Variants in HHLA2 observed in about 807,000 individuals in gnomAD.
HHLA2 encodes HHLA2 member of B7 family.
A neutral mutation model predicts 45.9 loss-of-function variants in HHLA2; 48 were observed. That is an observed-to-expected ratio of 1.05 (90% CI 0.83 to 1.33). The LOEUF is 1.33. HHLA2 is among the 40% of genes most tolerant of loss of function. The pLI is 0.00. For missense variants in HHLA2, 462 were observed against 494.3 expected (o/e 0.93, Z 0.62); for synonymous variants, 161 against 173.9 (o/e 0.93, Z 0.59).
intron 2 of HHLA2, among the ~76,000 whole-genome samples, chr3:108,319,023 G>A (rs2081152025): frequency 1.3e-5 from 2 of 152,064 alleles, no homozygotes; most frequent in African/African-American, 4.8e-5. Context: ...TTTGGCCACT[G>A]ACTACCTTGT....
At chr3:108,332,593 C>T (rs2081405329) in intron 3 of HHLA2, among the ~76,000 whole-genome samples, 1 of 152,080 alleles carries the variant, frequency 6.6e-6, no homozygotes. Context: ...GAGTGTGTGC[C>T]CAACTCATGC....
At chr3:108,365,637 G>A (rs1405835268) in intron 8 of HHLA2, among the ~76,000 whole-genome samples, 3 of 152,060 alleles carry the variant, frequency 2.0e-5, no homozygotes, top group East Asian at 3.9e-4. Flanking sequence ...TTTCCATTTG[G>A]TTGTGTCCTC....
At chr3:108,330,339 A>G (rs1331047335) in intron 3 of HHLA2, among the ~76,000 whole-genome samples, 2 of 152,130 alleles carry the variant, frequency 1.3e-5, no homozygotes, top group African/African-American at 4.8e-5. Context: ...GTGGCCCCCA[A>G]GATTCTTGCC....
chr3:108,353,640 C>T (rs887108990), exon 5 of HHLA2: 1 of 1,613,730 alleles, frequency 6.2e-7, no homozygotes, highest in African/African-American at 1.3e-5. Flanking sequence ...AACAGGACAT[C>T]CCTTTTCTAT....
intron 8 of HHLA2, among the ~76,000 whole-genome samples, chr3:108,370,050 G>A (rs1576182303): frequency 6.6e-6 from 1 of 152,338 alleles, no homozygotes; most frequent in South Asian, 2.1e-4. Flanking sequence ...GGCCTAACTG[G>A]GGGGAACCCC....
At chr3:108,349,763 G>A (rs2081743653) in intron 3 of HHLA2, among the ~76,000 whole-genome samples, 5 of 152,198 alleles carry the variant, frequency 3.3e-5, no homozygotes, top group African/African-American at 4.8e-5. Context: ...TGGGTTGGTT[G>A]AGTCAGTGAT....
chr3:108,338,994 T>C (rs2081520801), intron 3 of HHLA2, among the ~76,000 whole-genome samples: 1 of 152,318 alleles, frequency 6.6e-6, no homozygotes, highest in African/African-American at 2.4e-5. Flanking sequence ...TCATATAATT[T>C]ATCATTCAAA....
chr3:108,336,286 C>T (rs1420487884), intron 3 of HHLA2, among the ~76,000 whole-genome samples: 1 of 152,108 alleles, frequency 6.6e-6, no homozygotes, highest in Non-Finnish European at 1.5e-5. Flanking sequence ...GATGTAGCTA[C>T]TTTGTAGACC....
chr3:108,368,803 G>A (rs2082113849), intron 8 of HHLA2, among the ~76,000 whole-genome samples: 1 of 151,998 alleles, frequency 6.6e-6, no homozygotes, highest in Non-Finnish European at 1.5e-5. Flanking sequence ...ACACCCCACT[G>A]TCAATATTAG....
rs539513753 is a variant in HHLA2, at chr3:108,348,004, G to A, written c.-26-3784G>A. On this transcript the variant is annotated intron_variant, in intron 3 of 10. Coordinates refer to ENST00000619531, the Ensembl canonical transcript of HHLA2. ...TGGAAATGGCTCATGTTAACTTAGG[G>A]AATCTAAATGAACAGTTCAGAAGAA... Among the ~76,000 whole-genome samples, 5 of 152,154 alleles carry A rather than the reference G, an allele frequency of 3.3e-5. No individual in the cohort carries two copies. The East Asian group carries it at 9.6e-4, about 29-fold the overall frequency.
At chr3:108,318,376 CA>C (rs1367491691) in intron 2 of HHLA2, among the ~76,000 whole-genome samples, 1 of 152,134 alleles carries the variant, frequency 6.6e-6, no homozygotes, top group Non-Finnish European at 1.5e-5. Flanking sequence ...TCCACTTTGA[CA>C]AACATGGTCT....
chr3:108,335,758 A>C (rs563657121), intron 3 of HHLA2, among the ~76,000 whole-genome samples: 32 of 152,102 alleles, frequency 2.1e-4, no homozygotes, highest in Non-Finnish European at 4.0e-4. Context: ...GCTGCTTCGG[A>C]CTTTCTGATG....
At chr3:108,347,086 G>C (rs2081674474) in intron 3 of HHLA2, among the ~76,000 whole-genome samples, 1 of 152,126 alleles carries the variant, frequency 6.6e-6, no homozygotes, top group African/African-American at 2.4e-5. Flanking sequence ...TGCAACTTGG[G>C]CAACTTCAGT....
chr3:108,347,277 CA>C lies in HHLA2; in HGVS notation c.-26-4510del, dbSNP rs369574734. 2.8e-3 allele frequency among the ~76,000 whole-genome samples: 423 copies of C among 151,824 alleles called. 4 individuals carry two copies. Among genetic ancestry groups the C allele is most frequent in the African/African-American group, 9.7e-3 (403 of 41,388 alleles). Reference sequence around the variant, plus strand: ...AGAAGAGGTTGGGCATTTTTTTATTCATAATACTTTATCTTAGATGATAAAT... The same window carrying C: ...AGAAGAGGTTGGGCATTTTTTTATTCTAATACTTTATCTTAGATGATAAAT... On this transcript the variant is annotated intron_variant, in intron 3 of 10. Coordinates refer to ENST00000619531, the Ensembl canonical transcript of HHLA2.
In HHLA2 at chr3:108,377,251, C is replaced by G. The variant is rs1463426; in HGVS notation, c.1225-7C>G. 1,347,625 of 1,534,276 alleles carry G rather than the reference C, an allele frequency of 0.88. 606,456 individuals carry two copies. Among genetic ancestry groups the G allele is most frequent in the Non-Finnish European group, 0.93 (1,030,756 of 1,112,018 alleles). On this transcript the variant is annotated splice_region_variant and splice_polypyrimidine_tract_variant and intron_variant, in intron 10 of 10. Coordinates refer to ENST00000619531, the Ensembl canonical transcript of HHLA2. ...AGACATTTAGAGTCTATTTTTCTTG[C>G]TTCTAGCCTCTTTCAGGAAAAGTAT...
In HHLA2 at chr3:108,340,951, T is replaced by TTC. The variant is rs1560230330; in HGVS notation, c.-26-10837_-26-10836insTC. Among the ~76,000 whole-genome samples the TTC allele has an allele frequency of 1.7e-4, 18 of 104,228 alleles. 1 individual carries two copies. Among genetic ancestry groups the TTC allele is most frequent in the Middle Eastern group, 4.9e-3 (1 of 204 alleles). The allele number at this position is 104,228 out of a possible 152,430, so 68.4% of individuals were successfully genotyped here. A position where few individuals can be genotyped will look rare whatever the true frequency, so the allele number is the denominator to read the frequency against. On this transcript the variant is annotated intron_variant, in intron 3 of 10. Transcript: ENST00000619531. The stretch of plus-strand genomic sequence containing the variant: ...TCCTTCCTTCCTTCCTTCCTTCCTT[T>TTC]CTTTCTTTCTTTTCTTTCTTTCATG...
chr3:108,298,968 C>G (rs567937416), intron 1 of HHLA2, among the ~76,000 whole-genome samples: 1 of 152,354 alleles, frequency 6.6e-6, no homozygotes, highest in South Asian at 2.1e-4. Flanking sequence ...CTATCCAGGT[C>G]TGTCCTAGAC....
chr3:108,354,025 G>T (rs554682595), intron 5 of HHLA2, among the ~76,000 whole-genome samples: 4 of 152,164 alleles, frequency 2.6e-5, no homozygotes, highest in Admixed American at 2.0e-4. Context: ...CCTTATAATT[G>T]TACTTAATAC....
At chr3:108,305,144 C>G (rs1352318918) in intron 1 of HHLA2, among the ~76,000 whole-genome samples, 2 of 152,124 alleles carry the variant, frequency 1.3e-5, no homozygotes, top group East Asian at 3.8e-4. Context: ...TTTTTCAACT[C>G]TAATCTGCTT....
Sources: gnomAD v4.1 joint callset for allele counts (sites outside exome capture counted in the v4.1 genomes callset) on GRCh38, gnomAD v4.1.1 for gene constraint, MANE v1.5 for transcripts, NCBI Gene and HGNC (gene_info 2026-07-23, HGNC 2026-07-21) for gene names.